CUL1: variants seen among roughly 807,000 people sequenced by gnomAD.
The protein encoded by CUL1 is cullin 1.
A neutral mutation model predicts 118.0 loss-of-function variants in CUL1; 24 were observed. That is an observed-to-expected ratio of 0.20 (90% CI 0.15 to 0.29). CUL1 has a LOEUF of 0.29. Ranked by LOEUF, CUL1 falls within the 10% of genes least tolerant of loss-of-function variation. CUL1 has a pLI of 1.00. For missense variants in CUL1, 361 were observed against 933.8 expected (o/e 0.39, Z 7.99); for synonymous variants, 332 against 340.4 (o/e 0.98, Z 0.27).
At chr7:148,709,995 A>T (rs1454352472) in intron 1 of CUL1, among the ~76,000 whole-genome samples, 1 of 151,924 alleles carries the variant, frequency 6.6e-6, no homozygotes, top group Non-Finnish European at 1.5e-5. Context: ...AGGTGGGGGG[A>T]TCGCTTGAGC....
At chr7:148,742,229 C>A (rs1175483515) in intron 2 of CUL1, among the ~76,000 whole-genome samples, 1 of 151,972 alleles carries the variant, frequency 6.6e-6, no homozygotes, top group African/African-American at 2.4e-5. Flanking sequence ...AAAGATATAC[C>A]CGAGACTGGG....
intron 2 of CUL1, among the ~76,000 whole-genome samples, chr7:148,753,365 G>T (rs1799554189): frequency 6.6e-6 from 1 of 152,122 alleles, no homozygotes; most frequent in Non-Finnish European, 1.5e-5. Context: ...CATTCTCTGC[G>T]CTCCCCCTGC....
chr7:148,715,150 A>G (rs1047090502), intron 1 of CUL1, among the ~76,000 whole-genome samples: 5 of 152,326 alleles, frequency 3.3e-5, no homozygotes, highest in African/African-American at 4.8e-5. Flanking sequence ...TCTCATTCCT[A>G]CCCATCATTG....
Position 148,754,171 on chromosome 7 carries a change from A to G in CUL1, c.315+21A>G, listed in dbSNP as rs773428624. 165 of 1,441,280 alleles carry G rather than the reference A, an allele frequency of 1.1e-4. 1 individual carries two copies. In the East Asian group the frequency reaches 2.0e-3, roughly 18 times the overall value. The allele number at this position is 1,441,280 out of a possible 1,614,324, so 89.3% of individuals were successfully genotyped here. A position where few individuals can be genotyped will look rare whatever the true frequency, so the allele number is the denominator to read the frequency against. On this transcript the variant is annotated intron_variant, in intron 3 of 21. Transcript: ENST00000325222. ...TTAAGGTAAGATGTTTTATATATATACTGAGTATTCATAACAGGATATAAA... is the reference window on the plus strand; with the variant it reads ...TTAAGGTAAGATGTTTTATATATATGCTGAGTATTCATAACAGGATATAAA...
intron 2 of CUL1, among the ~76,000 whole-genome samples, chr7:148,753,319 C>T (rs191639031): frequency 2.0e-5 from 3 of 152,220 alleles, no homozygotes; most frequent in African/African-American, 4.8e-5. Context: ...TACAACAGAA[C>T]ACGGTGGTTT....
chr7:148,800,516 T>C lies in CUL1; in HGVS notation c.2265T>C (p.Ile755=), dbSNP rs1295752959. Residue 755 remains isoleucine (I), a synonymous_variant, in exon 22 of 22, where the codon ATT becomes ATC. Coordinates refer to ENST00000325222, the MANE Select transcript of CUL1 (RefSeq NM_003592.3). This position sits in a 1 kb window ranked among gnomAD's most constrained non-coding sequence, Gnocchi z 4.6. The part of the protein sequence containing the change: ...RVPVIKKCID[I]LIEKEYLERV... The stretch of plus-strand genomic sequence containing the variant: ...ATAACACCCAGAAATGCATTGACAT[T>C]CTAATTGAGAAAGAATATTTGGAGC... 1 of 1,613,656 alleles carries C rather than the reference T, an allele frequency of 6.2e-7. No homozygotes were observed. Among genetic ancestry groups the C allele is most frequent in the Middle Eastern group, 1.6e-4 (1 of 6,062 alleles).
intron 1 of CUL1, among the ~76,000 whole-genome samples, chr7:148,704,371 G>T (rs550468166): frequency 6.6e-6 from 1 of 152,290 alleles, no homozygotes; most frequent in East Asian, 1.9e-4. Flanking sequence ...TTGCTAGAAA[G>T]AGTGTAATTT....
At position 148,749,330 on chromosome 7, in the gene CUL1, T is replaced by A. The variant is rs568078674; in HGVS notation, c.141-4646T>A. On this transcript the variant is annotated intron_variant, in intron 2 of 21. Transcript: ENST00000325222. The stretch of plus-strand genomic sequence containing the variant: ...TATTCAGGAGGCTGAGGCAGGAGAA[T>A]CACTTGAACCCGGGAGGCGGAGGTT... 5.6e-5 allele frequency among the ~76,000 whole-genome samples: 8 copies of A among 144,020 alleles called. No homozygotes were observed. The South Asian group carries it at 8.5e-4, about 15-fold the overall frequency. 94.5% of individuals were successfully genotyped at this position (144,020 alleles called of 152,430 possible). A position where few individuals can be genotyped will look rare whatever the true frequency, so the allele number is the denominator to read the frequency against.
At position 148,788,685 on chromosome 7, in the gene CUL1, G is replaced by A. The variant is rs375316605; in HGVS notation, c.1597+11G>A. 87 of 1,538,842 alleles carry A rather than the reference G, an allele frequency of 5.7e-5. No individual in the cohort carries two copies. In the East Asian group the frequency reaches 1.6e-3, roughly 29 times the overall value. On this transcript the variant is annotated intron_variant, in intron 14 of 21. Transcript: ENST00000325222. Reference sequence around the variant, plus strand: ...CAGAACCCCTAGACTGTGAGTATCCGTGTGTCTCTATGTTGTGTTTACAGG... The same window carrying A: ...CAGAACCCCTAGACTGTGAGTATCCATGTGTCTCTATGTTGTGTTTACAGG...
chr7:148,759,422 T>TG lies in CUL1; in HGVS notation c.534+69dup, dbSNP rs1799768291. 2.5e-5 allele frequency: 38 copies of TG among 1,546,062 alleles called. 1 individual carries two copies. The South Asian group carries it at 3.8e-4, about 15-fold the overall frequency. On this transcript the variant is annotated intron_variant, in intron 5 of 21. Coordinates refer to ENST00000325222, the MANE Select transcript of CUL1 (RefSeq NM_003592.3). ...CTTCGCAGTTTCGTTGCTTAGCTTT[T>TG]GTCTCGTCACTCCTTCGGATTATCC...
At chr7:148,699,723 T>G (rs187072072) in intron 1 of CUL1, among the ~76,000 whole-genome samples, 27 of 152,144 alleles carry the variant, frequency 1.8e-4, no homozygotes, top group African/African-American at 6.5e-4. Context: ...CGCGCAGGGA[T>G]GCTAGCCCGG....
At chr7:148,733,593 A>G (rs995055677) in intron 2 of CUL1, among the ~76,000 whole-genome samples, 1 of 152,218 alleles carries the variant, frequency 6.6e-6, no homozygotes, top group African/African-American at 2.4e-5. Flanking sequence ...GCTCGCTGTG[A>G]CATCTAATAC....
intron 7 of CUL1, among the ~76,000 whole-genome samples, chr7:148,765,167 G>T (rs898939743): frequency 1.6e-4 from 24 of 152,280 alleles, no homozygotes; most frequent in African/African-American, 5.8e-4. Context: ...TATTTAGAAC[G>T]TGTAATAAGG....
chr7:148,730,037 G>GGT lies in CUL1; in HGVS notation c.-85_-84dup. ...GAGCTGCTGTGAATAAATTTGGAAT[G>GGT]GTACTGTATATTTTCATCTAATGGA... On this transcript the variant is annotated 5_prime_UTR_variant, in exon 2 of 22. The change abolishes the stop of an existing upstream ORF in the 5' untranslated region. Transcript: ENST00000325222. 1.4e-6 allele frequency: 2 copies of GGT among 1,415,652 alleles called. No homozygotes were observed. The highest frequency in any genetic ancestry group is 1.9e-6 in the Non-Finnish European group (2 of 1,047,872). 87.7% of individuals were successfully genotyped at this position (1,415,652 alleles called of 1,614,324 possible).
chr7:148,788,174 A>G (rs1021114279), intron 13 of CUL1, among the ~76,000 whole-genome samples: 2 of 152,176 alleles, frequency 1.3e-5, no homozygotes, highest in Admixed American at 6.5e-5. Flanking sequence ...ATACCTCCAC[A>G]CAGCATCACG....
At chr7:148,768,149 G>A (rs753423590) in intron 9 of CUL1, among the ~76,000 whole-genome samples, 2 of 152,100 alleles carry the variant, frequency 1.3e-5, no homozygotes, top group Admixed American at 6.6e-5. Flanking sequence ...CCACAGGGCT[G>A]TACTCTGGAG....
At chr7:148,729,326 C>CT (rs1488169613) in intron 1 of CUL1, among the ~76,000 whole-genome samples, 2 of 152,062 alleles carry the variant, frequency 1.3e-5, no homozygotes, top group Non-Finnish European at 2.9e-5. Context: ...GAAATTAGAG[C>CT]TTAGAGAGGT....
At chr7:148,759,664 C>T in intron 6 of CUL1, 26 bp downstream of exon 6, 4 of 1,371,480 alleles carry the variant, frequency 2.9e-6, no homozygotes, top group Non-Finnish European at 4.0e-6. Context: ...TTAGTTTATT[C>T]AAAGTTTTCA....
At chr7:148,706,797 G>T (rs1296761553) in intron 1 of CUL1, among the ~76,000 whole-genome samples, 1 of 152,020 alleles carries the variant, frequency 6.6e-6, no homozygotes. Flanking sequence ...TTGGTCACTG[G>T]TATTTTTATA....
Sources: gnomAD v4.1 joint callset for allele counts (sites outside exome capture counted in the v4.1 genomes callset) on GRCh38, gnomAD v4.1.1 for gene constraint, Gnocchi (gnomAD v3.1) non-coding constraint, MANE v1.5 for transcripts, NCBI Gene and HGNC (gene_info 2026-07-23, HGNC 2026-07-21) for gene names.